Variants in ARHGEF10L observed in about 807,000 individuals in gnomAD.
The protein encoded by ARHGEF10L is rho guanine nucleotide exchange factor 10-like protein.
A neutral mutation model predicts 141.2 loss-of-function variants in ARHGEF10L; 69 were observed. That is an observed-to-expected ratio of 0.49 (90% confidence interval 0.40 to 0.60). The LOEUF is 0.60. Among genes scored for constraint, ARHGEF10L ranks in the 20% least tolerant of loss-of-function variants. ARHGEF10L has a pLI of 0.00. For missense variants in ARHGEF10L, 1,482 were observed against 1,734.3 expected, an observed-to-expected ratio of 0.85 and a Z score of 2.58; for synonymous variants, 711 against 718.5, an observed-to-expected ratio of 0.99 and a Z score of 0.17.
At chr1:17,650,086 G>T (rs1177207526) in intron 22 of ARHGEF10L, among the ~76,000 whole-genome samples, 1 of 152,112 alleles carries the variant, frequency 6.6e-6, no homozygotes, top group African/African-American at 2.4e-5. Flanking sequence ...GATCCTTCTG[G>T]CTGGTGTGTG....
the ARHGEF10L span, among the ~76,000 whole-genome samples, chr1:17,524,629 C>A: frequency 6.6e-6 from 1 of 152,264 alleles, no homozygotes; most frequent in African/African-American, 2.4e-5. Context: ...GGAACACAAC[C>A]ATGTTCTATT....
chr1:17,618,351 A>G, intron 9 of ARHGEF10L: 1 of 1,539,434 alleles, frequency 6.5e-7, no homozygotes, highest in Non-Finnish European at 8.8e-7. Context: ...TCACAGGCCA[A>G]GAATGTTACC....
intron 4 of ARHGEF10L, among the ~76,000 whole-genome samples, chr1:17,595,770 C>A (rs192957103): frequency 7.1e-4 from 108 of 152,288 alleles, no homozygotes; most frequent in African/African-American, 2.5e-3. Context: ...GGCCATACCA[C>A]GTGCCAGCCC....
intron 8 of ARHGEF10L, 42 bp from the exon 9 acceptor site, chr1:17,616,052 C>T: frequency 6.3e-7 from 1 of 1,576,622 alleles, no homozygotes; most frequent in Non-Finnish European, 8.7e-7. Context: ...GCAGGCATCC[C>T]AGGCCGTCCC....
rs180870715 is a variant in ARHGEF10L, at chr1:17,556,234, A to C, written c.-44+16284A>C. On this transcript the variant is annotated intron_variant, in intron 1 of 28. Transcript: ENST00000361221. ...GGGGGAGGCTGGGAGCACGGAGGTG[A>C]GCCTGGGAGCATAGAGGTGGGCCTG... 3.3e-3 allele frequency among the ~76,000 whole-genome samples: 306 copies of C among 93,726 alleles called. 1 individual carries two copies. Among genetic ancestry groups the C allele is most frequent in the African/African-American group, 0.013 (292 of 23,124 alleles). The allele number at this position is 93,726 out of a possible 152,430, so 61.5% of individuals were successfully genotyped here. A position where few individuals can be genotyped will look rare whatever the true frequency, so the allele number is the denominator to read the frequency against.
intron 4 of ARHGEF10L, among the ~76,000 whole-genome samples, chr1:17,589,543 T>C (rs1460142279): frequency 1.3e-5 from 2 of 152,216 alleles, no homozygotes; most frequent in Non-Finnish European, 2.9e-5. Flanking sequence ...GAGATGCAGG[T>C]TGCAGGCCCA....
Position 17,625,441 on chromosome 1 carries a change from T to C in ARHGEF10L, c.1318-515T>C, listed in dbSNP as rs1035550610. 3.3e-5 allele frequency among the ~76,000 whole-genome samples: 5 copies of C among 152,038 alleles called. No individual in the cohort carries two copies. The highest frequency in any genetic ancestry group is 1.2e-4 in the African/African-American group (5 of 41,394). ...TAATATTTCAGGTAATGGGGAGCCA[T>C]TGAAGGATTTTGAGCTAGGGTAGAT... On this transcript the variant is annotated intron_variant, in intron 13 of 28. Coordinates refer to ENST00000361221, the MANE Select transcript of ARHGEF10L (RefSeq NM_018125.4). The surrounding 1 kb of genome is among the most constrained non-coding windows in gnomAD (Gnocchi z 4.5).
chr1:17,620,707 C>T (rs1193212640), intron 10 of ARHGEF10L, among the ~76,000 whole-genome samples: 6 of 152,046 alleles, frequency 3.9e-5, no homozygotes, highest in South Asian at 2.1e-4. Flanking sequence ...TCCTGATGGA[C>T]GCTCAGGACA....
chr1:17,697,718 G>T lies in ARHGEF10L; in HGVS notation c.*338G>T, dbSNP rs1008568248. 1.8e-5 allele frequency: 9 copies of T among 512,582 alleles called. No individual in the cohort carries two copies. Among genetic ancestry groups the T allele is most frequent in the African/African-American group, 1.5e-4 (8 of 52,508 alleles). 31.8% of individuals were successfully genotyped at this position (512,582 alleles called of 1,614,324 possible). A position where few individuals can be genotyped will look rare whatever the true frequency, so the allele number is the denominator to read the frequency against. Reference sequence around the variant, plus strand: ...GCAGCCACACGCCCCTCCTGGAAGGGTGTGTGCGTGTGAGTGTGTGCGAGT... The same window carrying T: ...GCAGCCACACGCCCCTCCTGGAAGGTTGTGTGCGTGTGAGTGTGTGCGAGT... On this transcript the variant is annotated 3_prime_UTR_variant, in exon 29 of 29. Coordinates refer to ENST00000361221, the MANE Select transcript of ARHGEF10L (RefSeq NM_018125.4). This position sits in a 1 kb window ranked among gnomAD's most constrained non-coding sequence, Gnocchi z 4.8.
At chr1:17,530,098 G>A in the ARHGEF10L span, among the ~76,000 whole-genome samples, 1 of 152,134 alleles carries the variant, frequency 6.6e-6, no homozygotes, top group Non-Finnish European at 1.5e-5. Context: ...ATTCCAAAGT[G>A]CTGAGATTAC....
intron 2 of ARHGEF10L, among the ~76,000 whole-genome samples, chr1:17,580,894 G>A (rs989803457): frequency 6.6e-6 from 1 of 152,200 alleles, no homozygotes; most frequent in Non-Finnish European, 1.5e-5. Context: ...GTGAACACAC[G>A]GGGGTCTCAG....
intron 6 of ARHGEF10L, among the ~76,000 whole-genome samples, chr1:17,604,115 C>T (rs1010682388): frequency 6.6e-6 from 1 of 151,934 alleles, no homozygotes; most frequent in South Asian, 2.1e-4. Context: ...CAGGAAGAGC[C>T]GTCTTTGCTT....
In ARHGEF10L at chr1:17,607,118, T is replaced by A. The variant is rs1488321670; in HGVS notation, c.434-684T>A. On this transcript the variant is annotated intron_variant, in intron 6 of 28. Coordinates refer to ENST00000361221, the MANE Select transcript of ARHGEF10L (RefSeq NM_018125.4). This position sits in a 1 kb window ranked among gnomAD's most constrained non-coding sequence, Gnocchi z 4.5. ...ACAATCTCTGTTTCATTCCTGAGGA[T>A]GCTGAGGGCCTGAGCCAGGACTTGG... is the stretch of plus-strand genomic sequence containing the variant. Among the ~76,000 whole-genome samples, 2 of 152,180 alleles carry A rather than the reference T, an allele frequency of 1.3e-5. No individual in the cohort carries two copies. The highest frequency in any genetic ancestry group is 2.9e-5 in the Non-Finnish European group (2 of 68,024).
chr1:17,664,630 G>A, intron 26 of ARHGEF10L, 35 bp downstream of exon 26: 1 of 1,486,812 alleles, frequency 6.7e-7, no homozygotes. Flanking sequence ...GGCCCTGGAG[G>A]CCTGCCTTCC....
intron 7 of ARHGEF10L, among the ~76,000 whole-genome samples, chr1:17,611,119 T>C (rs1377419104): frequency 6.6e-6 from 1 of 152,226 alleles, no homozygotes; most frequent in Non-Finnish European, 1.5e-5. Context: ...CCCCCTGCTC[T>C]GATCTGGCCA....
intron 9 of ARHGEF10L, among the ~76,000 whole-genome samples, chr1:17,618,065 C>T (rs2059904456): frequency 1.3e-5 from 2 of 152,198 alleles, no homozygotes; most frequent in Admixed American, 1.3e-4. Context: ...AGGCTGGGTG[C>T]TCAGTGAATG....
intron 4 of ARHGEF10L, among the ~76,000 whole-genome samples, chr1:17,600,674 G>A (rs1213531736): frequency 1.3e-5 from 2 of 152,068 alleles, no homozygotes; most frequent in East Asian, 1.9e-4. Flanking sequence ...CCCACGTTGC[G>A]CTTAACTGTC....
intron 4 of ARHGEF10L, among the ~76,000 whole-genome samples, chr1:17,588,902 T>TGTGGGGGGG: frequency 5.1e-4 from 1 of 1,944 alleles, no homozygotes; most frequent in Non-Finnish European, 7.9e-4. Flanking sequence ...GTGTGTGTAG[T>TGTGGGGGGG]GGGGGAGGTT....
At chr1:17,591,638 C>T (rs1280983675) in intron 4 of ARHGEF10L, among the ~76,000 whole-genome samples, 1 of 152,084 alleles carries the variant, frequency 6.6e-6, no homozygotes, top group Non-Finnish European at 1.5e-5. Context: ...TCTTGAGCTC[C>T]TGACCTCAGG....
Sources: allele counts gnomAD v4.1 joint callset (sites outside exome capture counted in the v4.1 genomes callset), GRCh38; gene constraint gnomAD v4.1.1; non-coding constraint Gnocchi (gnomAD v3.1); transcripts MANE v1.5; gene names NCBI Gene and HGNC (gene_info 2026-07-23, HGNC 2026-07-21).